ITPRID1: variants seen among roughly 807,000 people sequenced by gnomAD.
ITPRID1 encodes protein ITPRID1.
A neutral mutation model predicts 95.4 loss-of-function variants in ITPRID1; 96 were observed. That is an observed-to-expected ratio of 1.01 (90% CI 0.85 to 1.19). The LOEUF is 1.19. Among genes scored for constraint, ITPRID1 ranks in the 50% most tolerant of loss-of-function variants. The pLI, the probability that ITPRID1 is intolerant of heterozygous loss-of-function variation, is 0.00. For missense variants in ITPRID1, 1,339 were observed against 1,252.9 expected, an observed-to-expected ratio of 1.07 and a Z score of -1.04; for synonymous variants, 510 against 453.6, an observed-to-expected ratio of 1.12 and a Z score of -1.58.
intron 10 of ITPRID1, among the ~76,000 whole-genome samples, chr7:31,626,898 G>A (rs79644811): frequency 0.12 from 18,217 of 152,246 alleles, 1,246 homozygotes; most frequent in Middle Eastern, 0.15. Flanking sequence ...TTGTTTGTGG[G>A]ATAAACAAAT....
At chr7:31,545,024 G>T (rs959367487) in intron 1 of ITPRID1, among the ~76,000 whole-genome samples, 3 of 152,048 alleles carry the variant, frequency 2.0e-5, no homozygotes, top group African/African-American at 7.2e-5. Flanking sequence ...TTAGTTGGTG[G>T]GAAAGGCAGA....
chr7:31,580,336 A>G (rs1285275601), intron 9 of ITPRID1, among the ~76,000 whole-genome samples: 1 of 150,990 alleles, frequency 6.6e-6, no homozygotes, highest in Non-Finnish European at 1.5e-5. Flanking sequence ...TCAATCTGCT[A>G]TTAGCTAGGA....
chr7:31,645,418 A>G (rs1043717774), intron 12 of ITPRID1, among the ~76,000 whole-genome samples: 1 of 152,216 alleles, frequency 6.6e-6, no homozygotes. Flanking sequence ...AATATTAGTG[A>G]GAGTTGAACA....
At chr7:31,548,202 G>A (rs1784163387) in intron 1 of ITPRID1, among the ~76,000 whole-genome samples, 1 of 152,100 alleles carries the variant, frequency 6.6e-6, no homozygotes, top group African/African-American at 2.4e-5. Flanking sequence ...ATTATGGAAA[G>A]TGAACAGGTC....
intron 10 of ITPRID1, among the ~76,000 whole-genome samples, chr7:31,609,078 G>A (rs578098027): frequency 3.3e-5 from 5 of 151,500 alleles, no homozygotes; most frequent in South Asian, 4.2e-4. Flanking sequence ...CAATTGAGGC[G>A]GCCATGTGGT....
In ITPRID1 at chr7:31,655,987, T is replaced by G. The variant is rs773635845; in HGVS notation, c.*3158T>G. 115 of 985,288 alleles carry G rather than the reference T, an allele frequency of 1.2e-4. No individual in the cohort carries two copies. The highest frequency in any genetic ancestry group is 1.4e-4 in the Non-Finnish European group (113 of 829,912). 61.0% of individuals were successfully genotyped at this position (985,288 alleles called of 1,614,324 possible). On this transcript the variant is annotated 3_prime_UTR_variant, in exon 15 of 15. Coordinates refer to ENST00000615280, the MANE Select transcript of ITPRID1 (RefSeq NM_001257967.3). ...AATTCTATTCCCCTAAACCACCTCCTGTGTTCCTGCTTCCTCTCCTTTGCT... is the reference window on the plus strand; with the variant it reads ...AATTCTATTCCCCTAAACCACCTCCGGTGTTCCTGCTTCCTCTCCTTTGCT...
intron 1 of ITPRID1, among the ~76,000 whole-genome samples, chr7:31,522,514 G>A (rs1023861161): frequency 6.6e-6 from 1 of 152,176 alleles, no homozygotes; most frequent in Non-Finnish European, 1.5e-5. Flanking sequence ...TTTCAATGAG[G>A]TTTTACTTTT....
chr7:31,641,842 C>A (rs570046020), intron 10 of ITPRID1, among the ~76,000 whole-genome samples: 1 of 152,082 alleles, frequency 6.6e-6, no homozygotes, highest in African/African-American at 2.4e-5. Flanking sequence ...ATTAGTGTGG[C>A]ATTTAAGGCA....
chr7:31,573,136 A>G lies in ITPRID1; in HGVS notation c.395+948A>G, dbSNP rs560270112. ...ATCCAAATGGAGCCATCTCCAGTTC[A>G]CGTTATAAGTTTCAATAATCAATTG... On this transcript the variant is annotated intron_variant, in intron 7 of 14. Coordinates refer to ENST00000615280, the MANE Select transcript of ITPRID1 (RefSeq NM_001257967.3). 8.0e-4 allele frequency among the ~76,000 whole-genome samples: 122 copies of G among 152,296 alleles called. 1 individual carries two copies. The highest frequency in any genetic ancestry group is 2.8e-3 in the African/African-American group (117 of 41,572).
In ITPRID1 at chr7:31,656,401, C is replaced by A; in HGVS notation, c.*3572C>A. ...TTGGACAGAATAAATACCATGAATCCTGTGCAGTGTTTAATCCAATGTCCA... is the reference window on the plus strand; with the variant it reads ...TTGGACAGAATAAATACCATGAATCATGTGCAGTGTTTAATCCAATGTCCA... On this transcript the variant is annotated 3_prime_UTR_variant, in exon 15 of 15. Coordinates refer to ENST00000615280, the MANE Select transcript of ITPRID1 (RefSeq NM_001257967.3). 2.1e-6 allele frequency: 1 copy of A among 476,158 alleles called. No homozygotes were observed. The highest frequency in any genetic ancestry group is 9.0e-5 in the South Asian group (1 of 11,078). The allele number at this position is 476,158 out of a possible 1,614,324, so 29.5% of individuals were successfully genotyped here. A position where few individuals can be genotyped will look rare whatever the true frequency, so the allele number is the denominator to read the frequency against.
chr7:31,544,365 T>C (rs964572684), intron 1 of ITPRID1, among the ~76,000 whole-genome samples: 7 of 152,162 alleles, frequency 4.6e-5, no homozygotes, highest in Non-Finnish European at 1.0e-4. Flanking sequence ...TGACCTGTTA[T>C]TTTGTTAAAC....
In ITPRID1 at chr7:31,656,304, C is replaced by T. The variant is rs1298193957; in HGVS notation, c.*3475C>T. ...GACTCCTTTCTTTATCATGTGTGAC[C>T]TCGGGCACTTGCTCTCTTTACCCTA... On this transcript the variant is annotated 3_prime_UTR_variant, in exon 15 of 15. Coordinates refer to ENST00000615280, the MANE Select transcript of ITPRID1 (RefSeq NM_001257967.3). 1 of 184,736 alleles carries T rather than the reference C, an allele frequency of 5.4e-6. No homozygotes were observed. 11.4% of individuals were successfully genotyped at this position (184,736 alleles called of 1,614,324 possible).
At chr7:31,537,094 GT>G (rs1260916739) in intron 1 of ITPRID1, among the ~76,000 whole-genome samples, 6 of 98,398 alleles carry the variant, frequency 6.1e-5, no homozygotes, top group Non-Finnish European at 1.3e-4. Flanking sequence ...AGGTGTGTGT[GT>G]TGTGTGTGTG....
chr7:31,658,326 C>T (rs1358338891), downstream of ITPRID1: 10 of 1,518,968 alleles, frequency 6.6e-6, no homozygotes, highest in African/African-American at 4.2e-5. Context: ...AAGCAAATAA[C>T]TCTGCTAAAG....
intron 10 of ITPRID1, among the ~76,000 whole-genome samples, chr7:31,602,279 C>T (rs1786426710): frequency 6.6e-6 from 1 of 152,180 alleles, no homozygotes; most frequent in Non-Finnish European, 1.5e-5. Flanking sequence ...AGCAACAAGA[C>T]ATATGTGAGA....
In ITPRID1 at chr7:31,578,244, A is replaced by G. The variant is rs1283734121; in HGVS notation, c.980A>G (p.Tyr327Cys). 1 of 1,613,834 alleles carries G rather than the reference A, an allele frequency of 6.2e-7. No homozygotes were observed. Among genetic ancestry groups the G allele is most frequent in the East Asian group, 2.2e-5 (1 of 44,866 alleles). Residue 327 changes from tyrosine to cysteine, a missense_variant, in exon 9 of 15, where the codon TAT becomes TGT. Physicochemically the swap from Tyr to Cys is radical, Grantham distance 194. Coordinates refer to ENST00000615280, the MANE Select transcript of ITPRID1 (RefSeq NM_001257967.3). ...SLQACDDLLP[Y>C]PPHGLLSKQW... The stretch of plus-strand genomic sequence containing the variant: ...CAAGCCTGTGATGATTTGCTACCTT[A>G]TCCTCCTCATGGTCTTCTGAGCAAG...
At chr7:31,515,836 G>A (rs952740480) in intron 1 of ITPRID1, among the ~76,000 whole-genome samples, 1 of 152,190 alleles carries the variant, frequency 6.6e-6, no homozygotes, top group Admixed American at 6.5e-5. Context: ...TGTGAAGAGA[G>A]AATGAGAACA....
chr7:31,560,300 A>G (rs965120210), intron 5 of ITPRID1, among the ~76,000 whole-genome samples: 7 of 152,334 alleles, frequency 4.6e-5, no homozygotes, highest in Non-Finnish European at 7.3e-5. Context: ...CAGAAGCCAA[A>G]TCATTTAGGG....
intron 10 of ITPRID1, among the ~76,000 whole-genome samples, chr7:31,586,239 T>C (rs1445172728): frequency 8.9e-5 from 12 of 134,136 alleles, no homozygotes; most frequent in Admixed American, 1.5e-4. Context: ...CAGTCTATCA[T>C]TGTTGGACAT....
Sources: gnomAD v4.1 joint callset for allele counts (sites outside exome capture counted in the v4.1 genomes callset) on GRCh38, gnomAD v4.1.1 for gene constraint, MANE v1.5 for transcripts, NCBI Gene and HGNC (gene_info 2026-07-23, HGNC 2026-07-21) for gene names.